Variants in PCDHGA10 observed in about 807,000 individuals in gnomAD.
PCDHGA10 encodes the protein protocadherin gamma-A10.
Under a neutral mutation model 59.5 loss-of-function variants are expected in PCDHGA10, and 42 were observed. That is an observed-to-expected ratio of 0.71 (90% CI 0.55 to 0.91). The LOEUF (loss-of-function observed/expected upper bound fraction) is 0.91, where lower values mean the gene tolerates loss of function less well. PCDHGA10 is among the 40% of genes least tolerant of loss of function. The pLI, the probability that PCDHGA10 is intolerant of heterozygous loss-of-function variation, is 0.00. For synonymous variants in PCDHGA10, 511 were observed against 517.2 expected (o/e 0.99, Z 0.16); for missense variants, 1,111 against 1,198.2 (o/e 0.93, Z 1.07).
chr5:141,476,979 G>C lies in PCDHGA10; in HGVS notation c.2437-17828G>C. On this transcript the variant is annotated intron_variant, in intron 1 of 3. Coordinates refer to ENST00000398610, the MANE Select transcript of PCDHGA10 (RefSeq NM_018913.3). The surrounding 1 kb of genome is among the most constrained non-coding windows in gnomAD (Gnocchi z 7.6). Reference sequence around the variant, plus strand: ...ATTTACTCCTTCGGCAGCCACAACCGCGCCGGCGTGCGGCAACTATTCGCC... The same window carrying C: ...ATTTACTCCTTCGGCAGCCACAACCCCGCCGGCGTGCGGCAACTATTCGCC... 1 of 1,614,238 alleles carries C rather than the reference G, an allele frequency of 6.2e-7. No homozygotes were observed. The highest frequency in any genetic ancestry group is 1.3e-5 in the African/African-American group (1 of 75,074).
At chr5:141,459,737 A>T (rs2098974670) in intron 1 of PCDHGA10, among the ~76,000 whole-genome samples, 1 of 152,176 alleles carries the variant, frequency 6.6e-6, no homozygotes, top group African/African-American at 2.4e-5. Flanking sequence ...CAATTTTTTA[A>T]ATTTTAGCAA....
rs2098293800 is a variant in PCDHGA10 at position 141,442,043 on chromosome 5, A to G, written c.2436+26432A>G. The G allele has an allele frequency of 1.9e-5, 4 of 205,506 alleles. No homozygotes were observed. In the South Asian group the frequency reaches 2.4e-4, roughly 12 times the overall value. The allele number at this position is 205,506 out of a possible 1,614,324, so 12.7% of individuals were successfully genotyped here. A position where few individuals can be genotyped will look rare whatever the true frequency, so the allele number is the denominator to read the frequency against. On this transcript the variant is annotated intron_variant, in intron 1 of 3. Transcript: ENST00000398610. ...ACAGGAAAGCGACTCGCCAGCGCCTACTGGTCGCGGTGCACTGCGGTGGAC... is the reference window on the plus strand; with the variant it reads ...ACAGGAAAGCGACTCGCCAGCGCCTGCTGGTCGCGGTGCACTGCGGTGGAC...
At position 141,476,923 on chromosome 5, in the gene PCDHGA10, G is replaced by A. The variant is rs368207814; in HGVS notation, c.2437-17884G>A. On this transcript the variant is annotated intron_variant, in intron 1 of 3. Transcript: ENST00000398610. This position sits in a 1 kb window ranked among gnomAD's most constrained non-coding sequence, Gnocchi z 7.6. ...CGCGCGTGGTACAAGTCCTTGCAAC[G>A]GATCTGGATGAAGGCCCCAACGGTG... The A allele has an allele frequency of 5.0e-6, 8 of 1,614,024 alleles. No individual in the cohort carries two copies. Among genetic ancestry groups the A allele is most frequent in the African/African-American group, 4.0e-5 (3 of 74,952 alleles).
chr5:141,430,521 A>G, intron 1 of PCDHGA10: 1 of 350,390 alleles, frequency 2.9e-6, no homozygotes, highest in Non-Finnish European at 5.1e-6. Context: ...TTGTGCAGTA[A>G]TTGGTTAGGA....
At position 141,487,047 on chromosome 5, in the gene PCDHGA10, C is replaced by T; in HGVS notation, c.2437-7760C>T. The T allele has an allele frequency of 6.2e-7, 1 of 1,614,188 alleles. No individual in the cohort carries two copies. Among genetic ancestry groups the T allele is most frequent in the Non-Finnish European group, 8.5e-7 (1 of 1,180,032 alleles). ...AGCCTGTTTGCAGTCTCTCGATATGCTGGGGAGGTGCGGACGGCTGTTCCT... is the reference window on the plus strand; with the variant it reads ...AGCCTGTTTGCAGTCTCTCGATATGTTGGGGAGGTGCGGACGGCTGTTCCT... On this transcript the variant is annotated intron_variant, in intron 1 of 3. Coordinates refer to ENST00000398610, the MANE Select transcript of PCDHGA10 (RefSeq NM_018913.3). This position sits in a 1 kb window ranked among gnomAD's most constrained non-coding sequence, Gnocchi z 5.0.
In PCDHGA10 at chr5:141,491,667, G is replaced by C. The variant is rs746903142; in HGVS notation, c.2437-3140G>C. The C allele has an allele frequency of 3.7e-6, 6 of 1,613,678 alleles. No individual in the cohort carries two copies. The South Asian group carries it at 6.6e-5, about 18-fold the overall frequency. On this transcript the variant is annotated intron_variant, in intron 1 of 3. Transcript: ENST00000398610. This position sits in a 1 kb window ranked among gnomAD's most constrained non-coding sequence, Gnocchi z 6.9. Reference sequence around the variant, plus strand: ...TGGCGCTGGAGCCTGACGCCATCCGGTCCCGCTCTAATACGCTGCGGGAGC... The same window carrying C: ...TGGCGCTGGAGCCTGACGCCATCCGCTCCCGCTCTAATACGCTGCGGGAGC...
At position 141,414,597 on chromosome 5, in the gene PCDHGA10, C is replaced by T; in HGVS notation, c.1422C>T (p.Ser474=). 3.1e-6 allele frequency: 5 copies of T among 1,613,972 alleles called. No individual in the cohort carries two copies. Among genetic ancestry groups the T allele is most frequent in the Non-Finnish European group, 3.4e-6 (4 of 1,179,896 alleles). ...CAGAGAACAACGCCAGGGGTGCCTCCATCTTCTCAGTGACAGCGCTGGACC... is the reference window on the plus strand; with the variant it reads ...CAGAGAACAACGCCAGGGGTGCCTCTATCTTCTCAGTGACAGCGCTGGACC... ...YIPENNARGA[S]IFSVTALDPD... is the part of the protein sequence containing the mutation. The change falls in exon 1 of 4, where the codon TCC becomes TCT. Residue 474 remains serine (S), a synonymous_variant. Coordinates refer to ENST00000398610, the MANE Select transcript of PCDHGA10 (RefSeq NM_018913.3).
At chr5:141,423,090 G>A in intron 1 of PCDHGA10, 2 of 1,614,022 alleles carry the variant, frequency 1.2e-6, no homozygotes, top group Non-Finnish European at 1.7e-6. Flanking sequence ...TCGCGGTGGG[G>A]GAGCACACGG....
chr5:141,502,629 G>A (rs1368174848), intron 2 of PCDHGA10, among the ~76,000 whole-genome samples: 1 of 152,096 alleles, frequency 6.6e-6, no homozygotes, highest in Non-Finnish European at 1.5e-5. Context: ...GTAATCTGTG[G>A]ATGATACTTT....
At chr5:141,418,349 A>G in intron 1 of PCDHGA10, 1 of 1,614,016 alleles carries the variant, frequency 6.2e-7, no homozygotes, top group South Asian at 1.1e-5. Context: ...TGATATTAGT[A>G]TGAATTCGCT....
At position 141,455,034 on chromosome 5, in the gene PCDHGA10, G is replaced by T. The variant is rs112590950; in HGVS notation, c.2436+39423G>T. 8.3e-3 allele frequency among the ~76,000 whole-genome samples: 1,254 copies of T among 150,894 alleles called. 18 individuals are homozygous for T. Among genetic ancestry groups the T allele is most frequent in the African/African-American group, 0.029 (1,191 of 41,122 alleles). ...TCACCGTGTTAGCCAGGATGGTCTC[G>T]ATCTCCTGACCTCGTGATCCGCCCG... On this transcript the variant is annotated intron_variant, in intron 1 of 3. Coordinates refer to ENST00000398610, the MANE Select transcript of PCDHGA10 (RefSeq NM_018913.3).
Position 141,431,740 on chromosome 5 carries a change from T to C in PCDHGA10, c.2436+16129T>C. 6.2e-7 allele frequency: 1 copy of C among 1,614,230 alleles called. No individual in the cohort carries two copies. Among genetic ancestry groups the C allele is most frequent in the South Asian group, 1.1e-5 (1 of 91,088 alleles). On this transcript the variant is annotated intron_variant, in intron 1 of 3. Transcript: ENST00000398610. This position sits in a 1 kb window ranked among gnomAD's most constrained non-coding sequence, Gnocchi z 4.8. ...TGCAAGCAATGGATAATGCAGGATA[T>C]TCTGCGCGAGCCAAAGTCCTGATCA... is the stretch of plus-strand genomic sequence containing the variant.
At position 141,477,460 on chromosome 5, in the gene PCDHGA10, C is replaced by T; in HGVS notation, c.2437-17347C>T. 6.2e-7 allele frequency: 1 copy of T among 1,614,132 alleles called. No individual in the cohort carries two copies. Among genetic ancestry groups the T allele is most frequent in the Non-Finnish European group, 8.5e-7 (1 of 1,180,020 alleles). On this transcript the variant is annotated intron_variant, in intron 1 of 3. Transcript: ENST00000398610. The surrounding 1 kb of genome is among the most constrained non-coding windows in gnomAD (Gnocchi z 4.9). ...TTACAATAGTGCGTGTTCAAGTGTC[C>T]GACATCAATGACAACCCTCCACAAT...
At position 141,413,645 on chromosome 5, in the gene PCDHGA10, C is replaced by T; in HGVS notation, c.470C>T (p.Pro157Leu). The change falls in exon 1 of 4, where the codon CCT becomes CTT. Residue 157 changes from proline (P) to leucine (L), a missense_variant. Coordinates refer to ENST00000398610, the MANE Select transcript of PCDHGA10 (RefSeq NM_018913.3). The stretch of plus-strand genomic sequence containing the variant: ...AATGTCGCTGCGGGAATGCGTTTTC[C>T]TCTCCCGGAAGCTATTGATCCGGAT... ...NENVAAGMRF[P>L]LPEAIDPDVG... 5.6e-6 allele frequency: 9 copies of T among 1,613,834 alleles called. No individual in the cohort carries two copies. Among genetic ancestry groups the T allele is most frequent in the Non-Finnish European group, 7.6e-6 (9 of 1,179,882 alleles).
chr5:141,453,848 C>T (rs1045684685), intron 1 of PCDHGA10, among the ~76,000 whole-genome samples: 38 of 152,290 alleles, frequency 2.5e-4, no homozygotes, highest in Non-Finnish European at 4.4e-4. Context: ...GTCCACAGAG[C>T]ACTTTGAAAA....
chr5:141,423,009 G>T (rs371209178), intron 1 of PCDHGA10: 3 of 1,614,222 alleles, frequency 1.9e-6, no homozygotes, highest in Non-Finnish European at 2.5e-6. Context: ...AGGTGGTTGC[G>T]GTGGACAAAG....
At position 141,476,813 on chromosome 5, in the gene PCDHGA10, A is replaced by G. The variant is rs749333814; in HGVS notation, c.2437-17994A>G. The G allele has an allele frequency of 6.8e-6, 11 of 1,613,548 alleles. No individual in the cohort carries two copies. Among genetic ancestry groups the G allele is most frequent in the Non-Finnish European group, 9.3e-6 (11 of 1,180,022 alleles). On this transcript the variant is annotated intron_variant, in intron 1 of 3. Transcript: ENST00000398610. The surrounding 1 kb of genome is among the most constrained non-coding windows in gnomAD (Gnocchi z 7.6). ...CTCCGCCAGCCTGCCTATTCACATC[A>G]AGGTGCTGGACGCGAATGACAATGC...
Position 141,430,867 on chromosome 5 carries a change from G to T in PCDHGA10, c.2436+15256G>T, listed in dbSNP as rs1157718106. ...GCACCCAGATACGCTATTCAGTTCC[G>T]GAAGAGCTGGAGAAAGGCTCTAGGG... On this transcript the variant is annotated intron_variant, in intron 1 of 3. Coordinates refer to ENST00000398610, the MANE Select transcript of PCDHGA10 (RefSeq NM_018913.3). 2.5e-6 allele frequency: 4 copies of T among 1,596,238 alleles called. No individual in the cohort carries two copies. In the East Asian group the frequency reaches 8.9e-5, roughly 36 times the overall value.
intron 1 of PCDHGA10, among the ~76,000 whole-genome samples, chr5:141,447,631 A>G (rs59518107): frequency 0.11 from 16,809 of 152,214 alleles, 1,093 homozygotes; most frequent in African/African-American, 0.17. Flanking sequence ...AACCAACAGT[A>G]TGAATGATGG....
Sources: gnomAD v4.1 joint callset for allele counts (sites outside exome capture counted in the v4.1 genomes callset) on GRCh38, gnomAD v4.1.1 for gene constraint, Gnocchi (gnomAD v3.1) non-coding constraint, MANE v1.5 for transcripts, NCBI Gene and HGNC (gene_info 2026-07-23, HGNC 2026-07-21) for gene names.